STARD9: variants seen among roughly 807,000 people sequenced by gnomAD.
The protein encoded by STARD9 is stAR-related lipid transfer protein 9.
A neutral mutation model predicts 399.8 loss-of-function variants in STARD9; 346 were observed. That is an observed-to-expected ratio of 0.87 (90% confidence interval 0.79 to 0.95). The LOEUF (loss-of-function observed/expected upper bound fraction) is 0.95. STARD9 is among the 40% of genes least tolerant of loss of function. The pLI, the probability that STARD9 is intolerant of heterozygous loss-of-function variation, is 0.00. For missense variants in STARD9, 5,832 were observed against 5,667.5 expected, an observed-to-expected ratio of 1.03 and a Z score of -0.93; for synonymous variants, 2,203 against 2,143.5, an observed-to-expected ratio of 1.03 and a Z score of -0.77.
chr15:42,695,648 G>A, intron 25 of STARD9, 95 bp from the exon 26 acceptor site: 1 of 1,392,700 alleles, frequency 7.2e-7, no homozygotes, highest in South Asian at 1.4e-5. Flanking sequence ...CAGTAGAGGT[G>A]AGCAGGGAAG....
At chr15:42,579,670 G>A (rs1474755175) in intron 1 of STARD9, among the ~76,000 whole-genome samples, 1 of 152,108 alleles carries the variant, frequency 6.6e-6, no homozygotes, top group Non-Finnish European at 1.5e-5. Context: ...TTAAGCCCAT[G>A]CTTATCTATC....
At chr15:42,676,913 T>C (rs2060322066) in intron 20 of STARD9, among the ~76,000 whole-genome samples, 1 of 151,892 alleles carries the variant, frequency 6.6e-6, no homozygotes. Context: ...AAGACAATCT[T>C]ATGTCTGACC....
At position 42,650,979 on chromosome 15, in the gene STARD9, C is replaced by T. The variant is rs140540731; in HGVS notation, c.560-37C>T. On this transcript the variant is annotated intron_variant, in intron 7 of 32. Coordinates refer to ENST00000290607, the MANE Select transcript of STARD9 (RefSeq NM_020759.3). Reference sequence around the variant, plus strand: ...AAAGGTTAAAGTTTACCAAAAATCTCATTTAATTTCTTTTTTCCGTTTCAC... The same window carrying T: ...AAAGGTTAAAGTTTACCAAAAATCTTATTTAATTTCTTTTTTCCGTTTCAC... The T allele has an allele frequency of 1.8e-3, 2,458 of 1,381,918 alleles. 44 individuals are homozygous for T. In the African/African-American group the frequency reaches 0.031, roughly 17 times the overall value. The allele number at this position is 1,381,918 out of a possible 1,614,324, so 85.6% of individuals were successfully genotyped here. A position where few individuals can be genotyped will look rare whatever the true frequency, so the allele number is the denominator to read the frequency against.
chr15:42,662,149 A>C (rs1453268707), intron 10 of STARD9, among the ~76,000 whole-genome samples: 1 of 152,206 alleles, frequency 6.6e-6, no homozygotes, highest in Non-Finnish European at 1.5e-5. Context: ...AGTTTAAAAA[A>C]TCTTGAAAGG....
intron 26 of STARD9, among the ~76,000 whole-genome samples, chr15:42,700,423 G>A (rs184171130): frequency 2.0e-5 from 3 of 152,240 alleles, no homozygotes; most frequent in African/African-American, 4.8e-5. Context: ...CCCCTTTGTC[G>A]ACATCCTTAC....
intron 3 of STARD9, among the ~76,000 whole-genome samples, chr15:42,602,269 G>A (rs1047888456): frequency 6.6e-6 from 1 of 152,186 alleles, no homozygotes; most frequent in Non-Finnish European, 1.5e-5. Context: ...TAAAGCCAAA[G>A]CCAGAAATTG....
chr15:42,694,446 CTG>C lies in STARD9; in HGVS notation c.12765-81_12765-80del, dbSNP rs1033279875. The C allele has an allele frequency of 9.2e-5, 141 of 1,525,450 alleles. 1 individual carries two copies. Among genetic ancestry groups the C allele is most frequent in the Non-Finnish European group, 1.2e-4 (139 of 1,136,834 alleles). 94.5% of individuals were successfully genotyped at this position (1,525,450 alleles called of 1,614,324 possible). On this transcript the variant is annotated intron_variant, in intron 23 of 32. Coordinates refer to ENST00000290607, the MANE Select transcript of STARD9 (RefSeq NM_020759.3). ...CTGTTTCCTCTGCCCTGGTTCATCT[CTG>C]GGATCTTCCAGGGGTCAGAGATAGA... is the stretch of plus-strand genomic sequence containing the variant.
chr15:42,622,034 A>G (rs1281385470), intron 3 of STARD9, among the ~76,000 whole-genome samples: 1 of 152,176 alleles, frequency 6.6e-6, no homozygotes, highest in East Asian at 1.9e-4. Flanking sequence ...ATACCATACA[A>G]TTCATTCTTT....
intron 10 of STARD9, 131 bp downstream of exon 10, chr15:42,661,356 C>A: frequency 1.4e-6 from 1 of 693,304 alleles, no homozygotes; most frequent in Non-Finnish European, 2.4e-6. Context: ...TCTTTGAATG[C>A]TAGGTTAAGA....
intron 3 of STARD9, among the ~76,000 whole-genome samples, chr15:42,594,883 TC>T (rs2058473281): frequency 6.6e-6 from 1 of 152,178 alleles, no homozygotes; most frequent in Non-Finnish European, 1.5e-5. Context: ...GGGGAAGTAT[TC>T]CATACCTGTT....
At chr15:42,578,624 T>TG (rs1202925291) in intron 1 of STARD9, among the ~76,000 whole-genome samples, 4 of 143,966 alleles carry the variant, frequency 2.8e-5, no homozygotes, top group African/African-American at 5.4e-5. Flanking sequence ...TGTATAGCTT[T>TG]GTTTTTTTTT....
chr15:42,688,109 C>A lies in STARD9; in HGVS notation c.6531C>A (p.Ala2177=), dbSNP rs1447902808. ...ACCCAGCTGGATCGGACAGACCTGC[C>A]AGGGATATTTGTGATTCTTTAGGGA... The part of the protein sequence containing the change: ...HTHPAGSDRP[A]RDICDSLGKH... Residue 2177 remains alanine (A), a synonymous_variant, in exon 23 of 33, where the codon GCC becomes GCA. Coordinates refer to ENST00000290607, the MANE Select transcript of STARD9 (RefSeq NM_020759.3). 3.3e-6 allele frequency: 5 copies of A among 1,537,216 alleles called. No individual in the cohort carries two copies. The highest frequency in any genetic ancestry group is 2.4e-5 in the South Asian group (2 of 84,062).
In STARD9 at chr15:42,712,096, T is replaced by TAA. The variant is rs1192910136; in HGVS notation, c.13285-4580_13285-4579dup. Among the ~76,000 whole-genome samples the TAA allele has an allele frequency of 0.032, 16 of 506 alleles. No homozygotes were observed. In the East Asian group the frequency reaches 0.33, roughly 11 times the overall value. 0.3% of individuals were successfully genotyped at this position (506 alleles called of 152,430 possible). A position where few individuals can be genotyped will look rare whatever the true frequency, so the allele number is the denominator to read the frequency against. ...TATATATATATTATATATATATATA[T>TAA]AATATATAATATATAATATATAATA... On this transcript the variant is annotated intron_variant, in intron 26 of 32. Transcript: ENST00000290607.
At chr15:42,698,012 C>T (rs1309983532) in intron 26 of STARD9, among the ~76,000 whole-genome samples, 1 of 152,146 alleles carries the variant, frequency 6.6e-6, no homozygotes, top group Non-Finnish European at 1.5e-5. Context: ...GCATATTATG[C>T]CACTGTCCTA....
intron 26 of STARD9, among the ~76,000 whole-genome samples, chr15:42,705,778 A>G (rs953207403): frequency 6.6e-6 from 1 of 150,628 alleles, no homozygotes; most frequent in Non-Finnish European, 1.5e-5. Context: ...TTTGAGATGG[A>G]GTCTCACTCT....
chr15:42,575,714 G>T lies in STARD9; in HGVS notation c.-2G>T. 2 of 1,536,538 alleles carry T rather than the reference G, an allele frequency of 1.3e-6. No individual in the cohort carries two copies. Among genetic ancestry groups the T allele is most frequent in the South Asian group, 1.2e-5 (1 of 84,048 alleles). ...CCGCTGGACTTGGGTTGTGGCAGAC[G>T]GATGGCGAACGTGCAGGTCGCCGTG... is the stretch of plus-strand genomic sequence containing the variant. On this transcript the variant is annotated 5_prime_UTR_variant, in exon 1 of 33. Transcript: ENST00000290607.
chr15:42,629,622 G>A (rs1273499980), intron 3 of STARD9, among the ~76,000 whole-genome samples: 1 of 152,006 alleles, frequency 6.6e-6, no homozygotes, highest in Admixed American at 6.6e-5. Flanking sequence ...TCTCTTGTCC[G>A]ATTGCTCTAG....
rs867009646 is a variant in STARD9, at chr15:42,583,292, T to C, written c.48-54T>C. 2.2e-5 allele frequency: 31 copies of C among 1,416,298 alleles called. 2 individuals are homozygous for C. The Middle Eastern group carries it at 4.9e-3, about 225-fold the overall frequency. 87.7% of individuals were successfully genotyped at this position (1,416,298 alleles called of 1,614,324 possible). A position where few individuals can be genotyped will look rare whatever the true frequency, so the allele number is the denominator to read the frequency against. On this transcript the variant is annotated intron_variant, in intron 1 of 32. Coordinates refer to ENST00000290607, the MANE Select transcript of STARD9 (RefSeq NM_020759.3). The stretch of plus-strand genomic sequence containing the variant: ...TCCCACTAGCACTGGTTTTAGGCTC[T>C]TTTTTCTTGATTTTAAAAACAACAT...
At chr15:42,588,753 A>G (rs575748712) in intron 3 of STARD9, among the ~76,000 whole-genome samples, 2 of 120,170 alleles carry the variant, frequency 1.7e-5, no homozygotes, top group South Asian at 5.7e-4. Context: ...TTTGGATGTA[A>G]CCCAGTTTAT....
Sources: allele counts gnomAD v4.1 joint callset (sites outside exome capture counted in the v4.1 genomes callset), GRCh38; gene constraint gnomAD v4.1.1; transcripts MANE v1.5; gene names NCBI Gene and HGNC (gene_info 2026-07-23, HGNC 2026-07-21).